The following NXN variants were observed in gnomAD, a reference collection of about 807,000 sequenced individuals.
The protein encoded by NXN is nucleoredoxin.
NXN carries 16 observed loss-of-function variants against 48.6 expected under a neutral mutation model. The observed-to-expected ratio is 0.33, with a 90% CI of 0.22 to 0.50. The LOEUF (loss-of-function observed/expected upper bound fraction) is 0.50, where lower values mean the gene tolerates loss of function less well. Ranked by LOEUF, NXN falls within the 20% of genes least tolerant of loss-of-function variation. The pLI is 0.98. For missense variants in NXN, 492 were observed against 605.5 expected (o/e 0.81, Z 1.97); for synonymous variants, 281 against 269.6 (o/e 1.04, Z -0.41).
intron 1 of NXN, among the ~76,000 whole-genome samples, chr17:886,207 G>T (rs1309420479): frequency 6.6e-6 from 1 of 152,020 alleles, no homozygotes; most frequent in African/African-American, 2.4e-5. Context: ...AGGCAGAGTG[G>T]ATTTCAGTCA....
At chr17:964,508 A>T (rs1253607426) in intron 1 of NXN, among the ~76,000 whole-genome samples, 1 of 152,218 alleles carries the variant, frequency 6.6e-6, no homozygotes, top group Non-Finnish European at 1.5e-5. Flanking sequence ...AACATTTGTA[A>T]AAAGCTTAAA....
intron 1 of NXN, among the ~76,000 whole-genome samples, chr17:977,490 T>G (rs984922821): frequency 6.6e-6 from 1 of 152,362 alleles, no homozygotes; most frequent in Admixed American, 6.5e-5. Flanking sequence ...CTATCAAATA[T>G]TCTCCTTTTT....
chr17:845,956 G>C (rs971966497), intron 1 of NXN, among the ~76,000 whole-genome samples: 1 of 152,108 alleles, frequency 6.6e-6, no homozygotes, highest in Non-Finnish European at 1.5e-5. Context: ...CCAGCTACTC[G>C]AGAGGCTGAG....
At chr17:914,501 T>C (rs2068667517) in intron 1 of NXN, among the ~76,000 whole-genome samples, 1 of 152,062 alleles carries the variant, frequency 6.6e-6, no homozygotes, top group South Asian at 2.1e-4. Context: ...GCGAGAAGTA[T>C]GCAATGAGAC....
chr17:939,627 T>C (rs1467306713), intron 1 of NXN, among the ~76,000 whole-genome samples: 2 of 152,098 alleles, frequency 1.3e-5, no homozygotes, highest in Non-Finnish European at 2.9e-5. Flanking sequence ...ATTACAGGCG[T>C]GAGCCACCGC....
intron 1 of NXN, among the ~76,000 whole-genome samples, chr17:828,471 G>A (rs1044071710): frequency 1.4e-5 from 2 of 146,870 alleles, no homozygotes; most frequent in Non-Finnish European, 3.0e-5. Context: ...GTGTGATCTA[G>A]GCTCACTGCA....
At chr17:838,392 C>G (rs969908573) in intron 1 of NXN, among the ~76,000 whole-genome samples, 16 of 152,026 alleles carry the variant, frequency 1.1e-4, no homozygotes, top group African/African-American at 3.9e-4. Context: ...TCGGCCTCCC[C>G]AGAAGCTGGG....
chr17:952,075 T>C (rs573930116), intron 1 of NXN, among the ~76,000 whole-genome samples: 16 of 151,824 alleles, frequency 1.1e-4, no homozygotes, highest in African/African-American at 3.9e-4. Flanking sequence ...TGGGGGGCGG[T>C]GGTGGTTGTG....
intron 5 of NXN, among the ~76,000 whole-genome samples, chr17:807,741 G>C (rs1911650307): frequency 6.6e-6 from 1 of 152,232 alleles, no homozygotes; most frequent in African/African-American, 2.4e-5. Flanking sequence ...CCTGCACGGG[G>C]GAAAGCACCC....
intron 1 of NXN, among the ~76,000 whole-genome samples, chr17:923,429 G>A (rs1011997134): frequency 1.3e-5 from 2 of 152,152 alleles, no homozygotes; most frequent in African/African-American, 2.4e-5. Context: ...AGGCTGAGAC[G>A]GGAGGATTGC....
chr17:910,487 A>AT (rs2068625758), intron 1 of NXN, among the ~76,000 whole-genome samples: 1 of 151,746 alleles, frequency 6.6e-6, no homozygotes, highest in South Asian at 2.1e-4. Flanking sequence ...TAGGATATAT[A>AT]TTTTTTAAAG....
At chr17:886,886 A>G (rs1299373560) in intron 1 of NXN, among the ~76,000 whole-genome samples, 1 of 152,006 alleles carries the variant, frequency 6.6e-6, no homozygotes, top group East Asian at 1.9e-4. Flanking sequence ...GTTTATCCTA[A>G]CATTTTTGCC....
intron 1 of NXN, among the ~76,000 whole-genome samples, chr17:931,749 A>G (rs62067212): frequency 6.9e-5 from 10 of 144,168 alleles, no homozygotes; most frequent in South Asian, 2.2e-4. Context: ...GCAGGAGAAT[A>G]GCATGAACCC....
intron 5 of NXN, chr17:819,093 C>A (rs961876672): frequency 3.0e-6 from 1 of 330,772 alleles, no homozygotes; most frequent in Non-Finnish European, 5.9e-6. Flanking sequence ...ACTACAGGCA[C>A]CCGCCACCAC....
At chr17:831,584 C>A (rs1238463624) in intron 1 of NXN, among the ~76,000 whole-genome samples, 2 of 152,034 alleles carry the variant, frequency 1.3e-5, no homozygotes, top group Non-Finnish European at 2.9e-5. Flanking sequence ...ATTGCAACCT[C>A]CACCTCCCAG....
chr17:848,207 G>A (rs1409200311), intron 1 of NXN, among the ~76,000 whole-genome samples: 2 of 151,872 alleles, frequency 1.3e-5, no homozygotes, highest in Admixed American at 1.3e-4. Flanking sequence ...GCACGATCTC[G>A]GCTCACTGCA....
intron 1 of NXN, among the ~76,000 whole-genome samples, chr17:966,636 C>A (rs963531772): frequency 6.6e-6 from 1 of 152,086 alleles, no homozygotes; most frequent in Non-Finnish European, 1.5e-5. Flanking sequence ...CATGAGCCAC[C>A]ACGCCCGGCT....
intron 1 of NXN, among the ~76,000 whole-genome samples, chr17:857,691 TCACCACC>T (rs1189854143): frequency 6.6e-6 from 1 of 152,150 alleles, no homozygotes; most frequent in African/African-American, 2.4e-5. Context: ...TTCTCAATGG[TCACCACC>T]ATCCCAGATA....
In NXN at chr17:946,140, T is replaced by TA. The variant is rs200269485; in HGVS notation, c.360+33178_360+33179insT. ...GCGCTTGAAAGTTCAGAAGACTATCTCTTTTTTTTTTTTGAGATGGAGTCT... is the reference window on the plus strand; with the variant it reads ...GCGCTTGAAAGTTCAGAAGACTATCTACTTTTTTTTTTTTGAGATGGAGTCT... On this transcript the variant is annotated intron_variant, in intron 1 of 7. Transcript: ENST00000336868. 4.8e-3 allele frequency among the ~76,000 whole-genome samples: 724 copies of TA among 150,678 alleles called. 6 individuals carry two copies. The highest frequency in any genetic ancestry group is 0.013 in the African/African-American group (543 of 41,132).
Sources: allele counts gnomAD v4.1 joint callset (sites outside exome capture counted in the v4.1 genomes callset), GRCh38; gene constraint gnomAD v4.1.1; transcripts MANE v1.5; gene names NCBI Gene and HGNC (gene_info 2026-07-23, HGNC 2026-07-21).